COL28A1: variants seen among roughly 807,000 people sequenced by gnomAD.
The protein encoded by COL28A1 is collagen type XXVIII alpha 1 chain.
A neutral mutation model predicts 150.2 loss-of-function variants in COL28A1; 161 were observed. The observed-to-expected ratio is 1.07, with a 90% CI of 0.94 to 1.22. COL28A1 has a LOEUF of 1.22. Ranked by LOEUF, COL28A1 falls within the 50% of genes most tolerant of loss-of-function variation. The probability of loss-of-function intolerance (pLI) is 0.00; values close to 1 mark genes in which losing one functional copy is unlikely to be tolerated. For synonymous variants in COL28A1, 552 were observed against 469.7 expected, an observed-to-expected ratio of 1.18 and a Z score of -2.26; for missense variants, 1,617 against 1,388.3, an observed-to-expected ratio of 1.16 and a Z score of -2.62.
chr7:7,374,038 A>AAAAAAAATATATATATATATATATAT, intron 31 of COL28A1, among the ~76,000 whole-genome samples: 3 of 113,658 alleles, frequency 2.6e-5, no homozygotes, highest in African/African-American at 1.1e-4. Flanking sequence ...AAAAAAAAAA[A>AAAAAAAATATATATATATATATATAT]ATATATATAT....
chr7:7,459,513 T>C (rs150424363), intron 15 of COL28A1, among the ~76,000 whole-genome samples: 2 of 152,240 alleles, frequency 1.3e-5, no homozygotes, highest in African/African-American at 4.8e-5. Flanking sequence ...ACAATATAAT[T>C]ATCTGCTTAA....
At chr7:7,429,479 G>C (rs1179989336) in intron 25 of COL28A1, among the ~76,000 whole-genome samples, 2 of 150,720 alleles carry the variant, frequency 1.3e-5, no homozygotes, top group Non-Finnish European at 2.9e-5. Context: ...TGTGTGGGGG[G>C]GGGGATGGTG....
At chr7:7,471,364 TTCTATGAAGC>T (rs1406929641) in intron 15 of COL28A1, among the ~76,000 whole-genome samples, 1 of 152,142 alleles carries the variant, frequency 6.6e-6, no homozygotes, top group Non-Finnish European at 1.5e-5. Context: ...CCCTGAATCA[TTCTATGAAGC>T]CAGTATCATC....
chr7:7,415,837 C>T (rs777749767), intron 27 of COL28A1, among the ~76,000 whole-genome samples: 3 of 152,092 alleles, frequency 2.0e-5, no homozygotes, highest in Non-Finnish European at 4.4e-5. Flanking sequence ...AGGTCTCACT[C>T]TGTCATCCAG....
intron 25 of COL28A1, among the ~76,000 whole-genome samples, chr7:7,432,058 T>A (rs927796982): frequency 2.0e-5 from 3 of 152,202 alleles, no homozygotes; most frequent in African/African-American, 7.2e-5. Context: ...CAAGAGGGGA[T>A]ACATGGTAGG....
intron 18 of COL28A1, among the ~76,000 whole-genome samples, chr7:7,450,624 T>C (rs371034854): frequency 2.0e-5 from 3 of 152,198 alleles, no homozygotes; most frequent in Non-Finnish European, 4.4e-5. Context: ...AGTATCACAA[T>C]TGAAGACTCG....
chr7:7,537,792 A>T (rs1782701258), upstream of COL28A1, among the ~76,000 whole-genome samples: 2 of 152,206 alleles, frequency 1.3e-5, no homozygotes. Context: ...ACAACCATGT[A>T]TTTACCTGAT....
intron 3 of COL28A1, among the ~76,000 whole-genome samples, chr7:7,530,281 A>G (rs1277206820): frequency 6.6e-6 from 1 of 152,218 alleles, no homozygotes; most frequent in East Asian, 1.9e-4. Context: ...CCTAATACAG[A>G]GAGAGTACTC....
intron 5 of COL28A1, 117 bp downstream of exon 5, chr7:7,521,788 C>T: frequency 1.4e-6 from 1 of 709,246 alleles, no homozygotes; most frequent in East Asian, 2.5e-5. Flanking sequence ...CATTTTTCCT[C>T]CCATTTCCAA....
At chr7:7,339,574 G>C in the COL28A1 span, among the ~76,000 whole-genome samples, 6 of 152,118 alleles carry the variant, frequency 3.9e-5, no homozygotes, top group Non-Finnish European at 5.9e-5. Context: ...CTGTTAATTG[G>C]GAAATGTGTC....
At position 7,443,498 on chromosome 7, in the gene COL28A1, G is replaced by T. The variant is rs1403620561; in HGVS notation, c.1650+87C>A. ...AGACATAAACACATTGACATAGTAAGAATAACAATCAAATTTCTTCTAAGT... is the reference window on the plus strand; with the variant it reads ...AGACATAAACACATTGACATAGTAATAATAACAATCAAATTTCTTCTAAGT... On this transcript the variant is annotated intron_variant, in intron 20 of 34. Transcript: ENST00000399429. The T allele has an allele frequency of 2.5e-6, 4 of 1,572,954 alleles. No individual in the cohort carries two copies. The African/African-American group carries it at 5.4e-5, about 21-fold the overall frequency.
downstream of COL28A1, among the ~76,000 whole-genome samples, chr7:7,355,826 A>G (rs1201463711): frequency 6.6e-6 from 1 of 152,150 alleles, no homozygotes; most frequent in African/African-American, 2.4e-5. Context: ...CAGAAATCCT[A>G]CTTTTGGGGA....
intron 9 of COL28A1, among the ~76,000 whole-genome samples, chr7:7,510,157 T>C (rs1308062433): frequency 6.6e-6 from 1 of 152,228 alleles, no homozygotes; most frequent in Non-Finnish European, 1.5e-5. Flanking sequence ...CTATTTATTT[T>C]TACTCTGTAC....
Position 7,393,019 on chromosome 7 carries a change from T to C in COL28A1, c.2137-11407A>G, listed in dbSNP as rs555789433. ...TTCTCGATCAGTTTTGTTCCCTTGC[T>C]GGCGAGGAGTTGTGATCCTTTGGAG... is the stretch of plus-strand genomic sequence containing the variant. On this transcript the variant is annotated intron_variant, in intron 27 of 34. Coordinates refer to ENST00000399429, the MANE Select transcript of COL28A1 (RefSeq NM_001037763.3). 2.0e-5 allele frequency among the ~76,000 whole-genome samples: 3 copies of C among 152,328 alleles called. No individual in the cohort carries two copies. In the East Asian group the frequency reaches 5.8e-4, roughly 29 times the overall value.
At chr7:7,374,036 AAAATATATATATAT>A (rs1208892389) in intron 31 of COL28A1, among the ~76,000 whole-genome samples, 1 of 77,848 alleles carries the variant, frequency 1.3e-5, no homozygotes, top group Non-Finnish European at 2.6e-5. Context: ...AAAAAAAAAA[AAAATATATATATAT>A]ATATATATAT....
rs764119126 is a variant in COL28A1, at chr7:7,531,337, T to C, written c.681+11A>G. The C allele has an allele frequency of 1.6e-5, 19 of 1,218,308 alleles. No individual in the cohort carries two copies. The highest frequency in any genetic ancestry group is 2.2e-5 in the Non-Finnish European group (19 of 852,620). 75.5% of individuals were successfully genotyped at this position (1,218,308 alleles called of 1,614,324 possible). A position where few individuals can be genotyped will look rare whatever the true frequency, so the allele number is the denominator to read the frequency against. On this transcript the variant is annotated intron_variant, in intron 3 of 34. Coordinates refer to ENST00000399429, the MANE Select transcript of COL28A1 (RefSeq NM_001037763.3). ...GATGATAACTGTATAATCAACCCAT[T>C]AGGTACCTACCAGACGATCTTGAAT...
rs61743298 is a variant in COL28A1, at chr7:7,373,132, G to C, written c.2774C>G (p.Thr925Ser). The C allele has an allele frequency of 1.9e-6, 3 of 1,614,128 alleles. No individual in the cohort carries two copies. The East Asian group carries it at 6.7e-5, about 36-fold the overall frequency. ...LTEVVKNASD[T>S]NVEIFVIGVV... ...CCCTATCACAAATATCTCCACATTG[G>C]TGTCACTGGCATTCTTCACCACCTC... The change falls in exon 32 of 35, where the codon ACC (threonine) becomes AGC (serine). Residue 925 changes from threonine (T) to serine (S), a missense_variant. By Grantham distance (58) the Thr-to-Ser change is moderately conservative (BLOSUM62 1). Transcript: ENST00000399429. This position sits in a 1 kb window ranked among gnomAD's most constrained non-coding sequence, Gnocchi z 4.1.
chr7:7,526,880 C>T (rs1432774609), intron 3 of COL28A1, among the ~76,000 whole-genome samples: 1 of 152,146 alleles, frequency 6.6e-6, no homozygotes, highest in Non-Finnish European at 1.5e-5. Context: ...AGTGATCCAC[C>T]CACCTTGGCC....
Position 7,437,480 on chromosome 7 carries a change from G to C in COL28A1, c.1723-18C>G. 2 of 1,610,134 alleles carry C rather than the reference G, an allele frequency of 1.2e-6. No individual in the cohort carries two copies. The highest frequency in any genetic ancestry group is 8.5e-7 in the Non-Finnish European group (1 of 1,178,870). On this transcript the variant is annotated intron_variant, in intron 21 of 34. Coordinates refer to ENST00000399429, the MANE Select transcript of COL28A1 (RefSeq NM_001037763.3). ...GGTTCACCCTTAAAAAGAGCAAAAT[G>C]CTCACTACATTTCAAGCAGAGAAAG...
Sources: gnomAD v4.1 joint callset for allele counts (sites outside exome capture counted in the v4.1 genomes callset) on GRCh38, gnomAD v4.1.1 for gene constraint, Gnocchi (gnomAD v3.1) non-coding constraint, MANE v1.5 for transcripts, NCBI Gene and HGNC (gene_info 2026-07-23, HGNC 2026-07-21) for gene names.